CELF2: variants seen among roughly 807,000 people sequenced by gnomAD.
CELF2 encodes the protein CUG triplet repeat RNA-binding protein 2.
A neutral mutation model predicts 62.6 loss-of-function variants in CELF2; 8 were observed. That is an observed-to-expected ratio of 0.13 (90% CI 0.07 to 0.23). CELF2 has a LOEUF of 0.23. Among genes scored for constraint, CELF2 ranks in the 10% least tolerant of loss-of-function variants. The pLI is 1.00. For synonymous variants in CELF2, 258 were observed against 250.0 expected, an observed-to-expected ratio of 1.03 and a Z score of -0.30; for missense variants, 333 against 671.0, an observed-to-expected ratio of 0.50 and a Z score of 5.56.
the CELF2 span, among the ~76,000 whole-genome samples, chr10:10,693,382 CT>C: frequency 3.6e-5 from 5 of 138,628 alleles, no homozygotes; most frequent in African/African-American, 1.4e-4. Flanking sequence ...GGTGGATAAG[CT>C]TTTTGATGTG....
At chr10:10,725,978 T>C in the CELF2 span, among the ~76,000 whole-genome samples, 1 of 152,164 alleles carries the variant, frequency 6.6e-6, no homozygotes, top group African/African-American at 2.4e-5. Context: ...TGAAACATAA[T>C]TTATGCAAAA....
Position 11,268,551 on chromosome 10 carries a change from T to G in CELF2, c.618+1874T>G, listed in dbSNP as rs1047293935. On this transcript the variant is annotated intron_variant, in intron 6 of 12. Transcript: ENST00000633077. This position sits in a 1 kb window ranked among gnomAD's most constrained non-coding sequence, Gnocchi z 4.7. Reference sequence around the variant, plus strand: ...CAGTAGGTTCCCATCATGTAAAGAGTTGGTTTGACCACTGGGGCATATTTA... The same window carrying G: ...CAGTAGGTTCCCATCATGTAAAGAGGTGGTTTGACCACTGGGGCATATTTA... Among the ~76,000 whole-genome samples the G allele has an allele frequency of 6.6e-6, 1 of 152,224 alleles. No individual in the cohort carries two copies. Among genetic ancestry groups the G allele is most frequent in the South Asian group, 2.1e-4 (1 of 4,808 alleles).
chr10:11,261,820 G>A (rs2080714998), intron 5 of CELF2, among the ~76,000 whole-genome samples: 1 of 152,224 alleles, frequency 6.6e-6, no homozygotes, highest in Non-Finnish European at 1.5e-5. Context: ...GGGCCCACAT[G>A]TGGCAATTCA....
the CELF2 span, among the ~76,000 whole-genome samples, chr10:10,622,368 G>A: frequency 4.6e-5 from 7 of 152,102 alleles, no homozygotes; most frequent in East Asian, 1.9e-4. Context: ...CAGAACTTTC[G>A]GAGGCCAAGA....
chr10:10,767,598 G>T, the CELF2 span, among the ~76,000 whole-genome samples: 2 of 152,186 alleles, frequency 1.3e-5, no homozygotes, highest in African/African-American at 4.8e-5. Flanking sequence ...ACCAATGCTT[G>T]GTATGCAGTG....
chr10:10,721,801 CCTT>C, the CELF2 span, among the ~76,000 whole-genome samples: 1 of 152,168 alleles, frequency 6.6e-6, no homozygotes, highest in Non-Finnish European at 1.5e-5. Context: ...CCTCTCAGCT[CCTT>C]CTGATCACTT....
the CELF2 span, among the ~76,000 whole-genome samples, chr10:10,694,024 T>C: frequency 6.7e-6 from 1 of 150,242 alleles, no homozygotes. Flanking sequence ...AGTTCTGCTC[T>C]GATTTTAGTT....
chr10:11,248,769 C>T (rs2137277508), intron 3 of CELF2, among the ~76,000 whole-genome samples: 1 of 152,338 alleles, frequency 6.6e-6, no homozygotes, highest in African/African-American at 2.4e-5. Flanking sequence ...ACCTCCATCT[C>T]ACAGATGAGG....
chr10:10,612,654 T>G, the CELF2 span, among the ~76,000 whole-genome samples: 1 of 152,282 alleles, frequency 6.6e-6, no homozygotes, highest in Non-Finnish European at 1.5e-5. Flanking sequence ...ATCTTCAAAG[T>G]AATGGGTTTG....
At chr10:10,663,086 G>A in the CELF2 span, among the ~76,000 whole-genome samples, 1 of 152,234 alleles carries the variant, frequency 6.6e-6, no homozygotes, top group Non-Finnish European at 1.5e-5. Flanking sequence ...ATCAAAGGAA[G>A]AGAGGAAGTC....
the CELF2 span, among the ~76,000 whole-genome samples, chr10:10,603,836 T>C: frequency 1.3e-5 from 2 of 151,944 alleles, no homozygotes; most frequent in African/African-American, 4.8e-5. Context: ...AACTTTAACT[T>C]ATAAAATTAA....
At chr10:10,658,396 G>A in the CELF2 span, among the ~76,000 whole-genome samples, 5 of 152,096 alleles carry the variant, frequency 3.3e-5, no homozygotes, top group Non-Finnish European at 5.9e-5. Flanking sequence ...GAAATCCAAA[G>A]ATAATATTGA....
rs1234904874 is a variant in CELF2 at position 11,217,920 on chromosome 10, A to T, written c.354+413A>T. Among the ~76,000 whole-genome samples, 4 of 152,234 alleles carry T rather than the reference A, an allele frequency of 2.6e-5. No homozygotes were observed. The highest frequency in any genetic ancestry group is 7.2e-5 in the African/African-American group (3 of 41,466). On this transcript the variant is annotated intron_variant, in intron 3 of 12. Coordinates refer to ENST00000633077, the MANE Select transcript of CELF2 (RefSeq NM_001326342.2). This position sits in a 1 kb window ranked among gnomAD's most constrained non-coding sequence, Gnocchi z 5.6. ...ATTTTCTTTTGAAAGGACAAAATGT[A>T]CCCTTTACAGCCATAATATTAAGCC...
upstream of CELF2, among the ~76,000 whole-genome samples, chr10:10,794,146 A>G (rs1431639486): frequency 6.6e-6 from 1 of 152,180 alleles, no homozygotes; most frequent in Non-Finnish European, 1.5e-5. Flanking sequence ...AAAGCATGGA[A>G]AGCTGGGTCC....
At chr10:10,503,467 T>C in the CELF2 span, among the ~76,000 whole-genome samples, 3 of 151,990 alleles carry the variant, frequency 2.0e-5, no homozygotes, top group Non-Finnish European at 4.4e-5. Flanking sequence ...TTTGTCATTA[T>C]GTAACCTCCA....
chr10:11,262,836 T>G (rs1294447475), intron 5 of CELF2, among the ~76,000 whole-genome samples: 1 of 151,966 alleles, frequency 6.6e-6, no homozygotes, highest in South Asian at 2.1e-4. Flanking sequence ...ACACAAGTTA[T>G]ACTTCTTTCA....
chr10:10,599,798 C>T, the CELF2 span, among the ~76,000 whole-genome samples: 5 of 145,048 alleles, frequency 3.4e-5, no homozygotes, highest in East Asian at 1.0e-3. Context: ...GTGGCACGAT[C>T]TCGGCTCACT....
intron 1 of CELF2, among the ~76,000 whole-genome samples, chr10:10,803,216 A>G (rs1439701660): frequency 6.6e-6 from 1 of 152,168 alleles, no homozygotes; most frequent in Non-Finnish European, 1.5e-5. Context: ...AAGCATTACA[A>G]ACGCCATAAA....
At chr10:10,669,094 G>T in the CELF2 span, among the ~76,000 whole-genome samples, 1 of 152,182 alleles carries the variant, frequency 6.6e-6, no homozygotes, top group Non-Finnish European at 1.5e-5. Flanking sequence ...TTCACACCTT[G>T]CTGAGGAGAG....
Sources: allele counts gnomAD v4.1 joint callset (sites outside exome capture counted in the v4.1 genomes callset), GRCh38; gene constraint gnomAD v4.1.1; non-coding constraint Gnocchi (gnomAD v3.1); transcripts MANE v1.5; gene names NCBI Gene and HGNC (gene_info 2026-07-23, HGNC 2026-07-21).